The following MAP2K4 variants were observed in gnomAD, a reference collection of about 807,000 sequenced individuals.
MAP2K4 encodes the protein dual specificity mitogen-activated protein kinase kinase 4.
MAP2K4 carries 4 observed loss-of-function variants against 48.5 expected under a neutral mutation model. The observed-to-expected ratio is 0.08, with a 90% CI of 0.04 to 0.19. The LOEUF (loss-of-function observed/expected upper bound fraction) is 0.19, where lower values mean the gene tolerates loss of function less well. MAP2K4 is among the 10% of genes least tolerant of loss of function. The pLI is 1.00. For synonymous variants in MAP2K4, 166 were observed against 173.1 expected (o/e 0.96, Z 0.32); for missense variants, 258 against 493.3 (o/e 0.52, Z 4.52).
chr17:12,142,259 A>G lies in MAP2K4; in HGVS notation c.*999A>G, dbSNP rs998752463. On this transcript the variant is annotated 3_prime_UTR_variant, in exon 11 of 11. Transcript: ENST00000353533. Reference sequence around the variant, plus strand: ...TAACAGGGAGAAGTAGCTAGTAGCAATGTGCCTTGATTGATTAGATAAAGA... The same window carrying G: ...TAACAGGGAGAAGTAGCTAGTAGCAGTGTGCCTTGATTGATTAGATAAAGA... 3.9e-5 allele frequency: 9 copies of G among 233,440 alleles called. No homozygotes were observed. Among genetic ancestry groups the G allele is most frequent in the East Asian group, 6.0e-5 (1 of 16,598 alleles). The allele number at this position is 233,440 out of a possible 1,614,324, so 14.5% of individuals were successfully genotyped here.
chr17:12,121,179 TATA>T (rs1972676873), intron 7 of MAP2K4, among the ~76,000 whole-genome samples: 1 of 152,188 alleles, frequency 6.6e-6, no homozygotes, highest in Non-Finnish European at 1.5e-5. Flanking sequence ...TTATTTAAAA[TATA>T]ATATAAAATT....
At chr17:12,138,559 G>A (rs1375109397) in intron 9 of MAP2K4, among the ~76,000 whole-genome samples, 1 of 151,934 alleles carries the variant, frequency 6.6e-6, no homozygotes. Flanking sequence ...GGTGGCAGAG[G>A]CAGAAGAAAA....
rs151335471 is a variant in MAP2K4, at chr17:12,061,927, C to T, written c.218+6936C>T. Among the ~76,000 whole-genome samples, 1,316 of 151,770 alleles carry T rather than the reference C, an allele frequency of 8.7e-3. 24 individuals are homozygous for T. The highest frequency in any genetic ancestry group is 0.03 in the African/African-American group (1,245 of 41,366). ...TTTTAAATTATCTACAACTGAGTAA[C>T]AGTATGATTATATTATTGTTCTTGA... On this transcript the variant is annotated intron_variant, in intron 2 of 10. Coordinates refer to ENST00000353533, the MANE Select transcript of MAP2K4 (RefSeq NM_003010.4).
chr17:12,127,394 A>T (rs924417397), intron 8 of MAP2K4, among the ~76,000 whole-genome samples: 1 of 152,236 alleles, frequency 6.6e-6, no homozygotes, highest in Non-Finnish European at 1.5e-5. Context: ...GGATATTTAC[A>T]ATTCAGAAAT....
intron 1 of MAP2K4, among the ~76,000 whole-genome samples, chr17:12,041,263 G>A (rs1035711395): frequency 2.0e-5 from 3 of 152,216 alleles, no homozygotes; most frequent in Non-Finnish European, 4.4e-5. Context: ...AAGCCATTTG[G>A]ATGGGAAGAG....
chr17:12,099,227 CATG>C (rs1050498796), intron 4 of MAP2K4, among the ~76,000 whole-genome samples: 2 of 149,572 alleles, frequency 1.3e-5, no homozygotes, highest in African/African-American at 4.9e-5. Flanking sequence ...AAAAAAAAAA[CATG>C]ATTTCATTCT....
At chr17:12,121,996 A>G (rs140428301) in intron 7 of MAP2K4, among the ~76,000 whole-genome samples, 224 of 152,298 alleles carry the variant, frequency 1.5e-3, no homozygotes, top group African/African-American at 4.8e-3. Context: ...ATTTCTAAGG[A>G]GTTCATGGTT....
At chr17:12,039,164 A>G (rs373683266) in intron 1 of MAP2K4, among the ~76,000 whole-genome samples, 1 of 152,234 alleles carries the variant, frequency 6.6e-6, no homozygotes, top group African/African-American at 2.4e-5. Context: ...AAATTGCTCC[A>G]GGATTCTGAA....
At chr17:12,090,750 T>C (rs192566672) in intron 3 of MAP2K4, among the ~76,000 whole-genome samples, 103 of 152,252 alleles carry the variant, frequency 6.8e-4, no homozygotes, top group Middle Eastern at 3.4e-3. Flanking sequence ...AGGCATAATA[T>C]CTGAGTAAGA....
intron 9 of MAP2K4, among the ~76,000 whole-genome samples, chr17:12,133,230 T>A (rs989223020): frequency 6.6e-6 from 1 of 152,134 alleles, no homozygotes; most frequent in Non-Finnish European, 1.5e-5. Flanking sequence ...TACAGGCTCA[T>A]GCCACCATGC....
chr17:12,078,918 A>ACTC (rs1357837021), intron 2 of MAP2K4, among the ~76,000 whole-genome samples: 1 of 152,184 alleles, frequency 6.6e-6, no homozygotes, highest in African/African-American at 2.4e-5. Context: ...GTTTTGCTGG[A>ACTC]AAGATCGCTA....
intron 2 of MAP2K4, among the ~76,000 whole-genome samples, chr17:12,073,688 CAT>C (rs921322784): frequency 1.3e-5 from 2 of 152,010 alleles, no homozygotes; most frequent in African/African-American, 2.4e-5. Context: ...TAGGTTTTGA[CAT>C]ATGTGTACAT....
chr17:12,059,146 A>G (rs559996834), intron 2 of MAP2K4, among the ~76,000 whole-genome samples: 205 of 152,208 alleles, frequency 1.3e-3, no homozygotes, highest in African/African-American at 4.7e-3. Context: ...TATAATAGAG[A>G]CTCTTGTACC....
At chr17:12,110,317 G>A (rs1340725388) in intron 5 of MAP2K4, 58 bp from the exon 6 acceptor site, 1 of 1,148,774 alleles carries the variant, frequency 8.7e-7, no homozygotes, top group East Asian at 2.4e-5. Context: ...ATAAACTGTT[G>A]TGCTGTTTGA....
intron 2 of MAP2K4, among the ~76,000 whole-genome samples, chr17:12,062,600 A>T (rs1368744021): frequency 6.6e-6 from 1 of 152,212 alleles, no homozygotes; most frequent in Non-Finnish European, 1.5e-5. Flanking sequence ...GAGTGCTGGA[A>T]TTACAGGCAT....
chr17:12,139,747 A>G (rs889713990), intron 9 of MAP2K4, 92 bp from the exon 10 acceptor site: 10 of 892,460 alleles, frequency 1.1e-5, no homozygotes, highest in African/African-American at 5.1e-5. Flanking sequence ...GGAAAGAACT[A>G]TTTCATTATT....
chr17:12,061,697 G>A (rs1047846119), intron 2 of MAP2K4, among the ~76,000 whole-genome samples: 4 of 152,168 alleles, frequency 2.6e-5, no homozygotes, highest in Non-Finnish European at 5.9e-5. Context: ...GTACTTCTAA[G>A]TGCTGCTCCT....
At chr17:12,098,464 C>T (rs570185528) in intron 4 of MAP2K4, among the ~76,000 whole-genome samples, 370 of 140,574 alleles carry the variant, frequency 2.6e-3, no homozygotes, top group Non-Finnish European at 4.5e-3. Flanking sequence ...GGCAACAGAG[C>T]GAGACTCCAT....
chr17:12,039,053 TC>T (rs1256537615), intron 1 of MAP2K4, among the ~76,000 whole-genome samples: 1 of 152,172 alleles, frequency 6.6e-6, no homozygotes, highest in Non-Finnish European at 1.5e-5. Context: ...GTAGAAAGAT[TC>T]GTGTTGCTAT....
Sources: allele counts gnomAD v4.1 joint callset (sites outside exome capture counted in the v4.1 genomes callset), GRCh38; gene constraint gnomAD v4.1.1; transcripts MANE v1.5; gene names NCBI Gene and HGNC (gene_info 2026-07-23, HGNC 2026-07-21).